Variants in KCNB2 observed in about 807,000 individuals in gnomAD.
The protein encoded by KCNB2 is delayed rectifier potassium channel protein.
A neutral mutation model predicts 61.5 loss-of-function variants in KCNB2; 15 were observed. The observed-to-expected ratio is 0.24, with a 90% confidence interval of 0.16 to 0.38. The LOEUF (loss-of-function observed/expected upper bound fraction) is 0.38, where lower values mean the gene tolerates loss of function less well. Ranked by LOEUF, KCNB2 falls within the 10% of genes least tolerant of loss-of-function variation. The pLI is 1.00. For synonymous variants in KCNB2, 457 were observed against 446.0 expected, an observed-to-expected ratio of 1.02 and a Z score of -0.31; for missense variants, 828 against 1,125.2, an observed-to-expected ratio of 0.74 and a Z score of 3.78.
rs942141307 is a variant in KCNB2 at position 72,928,697 on chromosome 8, C to G, written c.580-7238C>G. Among the ~76,000 whole-genome samples the G allele has an allele frequency of 2.0e-5, 3 of 151,400 alleles. No individual in the cohort carries two copies. In the East Asian group the frequency reaches 5.8e-4, roughly 29 times the overall value. On this transcript the variant is annotated intron_variant, in intron 2 of 2. Coordinates refer to ENST00000523207, the MANE Select transcript of KCNB2 (RefSeq NM_004770.3). ...ACACACACAGACACACACACACACA[C>G]ACACACACACACACACAGTTTTATA... is the stretch of plus-strand genomic sequence containing the variant.
intron 2 of KCNB2, among the ~76,000 whole-genome samples, chr8:72,837,034 T>A (rs188405662): frequency 1.2e-3 from 180 of 152,344 alleles, no homozygotes; most frequent in African/African-American, 3.7e-3. Flanking sequence ...GTCTGAACAT[T>A]TCTCCAGATG....
intron 2 of KCNB2, among the ~76,000 whole-genome samples, chr8:72,826,931 G>A (rs1369967298): frequency 6.6e-6 from 1 of 152,100 alleles, no homozygotes; most frequent in African/African-American, 2.4e-5. Flanking sequence ...TATTGCTTTT[G>A]CTTCTAAGTT....
intron 2 of KCNB2, among the ~76,000 whole-genome samples, chr8:72,840,616 G>A (rs1384394425): frequency 6.6e-6 from 1 of 152,120 alleles, no homozygotes; most frequent in Non-Finnish European, 1.5e-5. Flanking sequence ...GGTGTGAGAT[G>A]GTATCTCATT....
At chr8:72,710,099 G>A (rs1041136835) in intron 2 of KCNB2, among the ~76,000 whole-genome samples, 6 of 152,062 alleles carry the variant, frequency 3.9e-5, no homozygotes, top group African/African-American at 9.7e-5. Flanking sequence ...TCAAGACATC[G>A]TTATCCTGCG....
chr8:72,833,524 A>G (rs1260120747), intron 2 of KCNB2, among the ~76,000 whole-genome samples: 1 of 152,204 alleles, frequency 6.6e-6, no homozygotes, highest in Non-Finnish European at 1.5e-5. Context: ...TCTCTGCTCT[A>G]TGAAAATTGA....
intron 2 of KCNB2, among the ~76,000 whole-genome samples, chr8:72,704,705 A>T (rs963215468): frequency 6.6e-6 from 1 of 152,146 alleles, no homozygotes; most frequent in African/African-American, 2.4e-5. Flanking sequence ...CTCTTTAAAG[A>T]TGAGGAATTT....
At chr8:72,608,515 A>G (rs1270270791) in intron 2 of KCNB2, among the ~76,000 whole-genome samples, 1 of 152,092 alleles carries the variant, frequency 6.6e-6, no homozygotes, top group Non-Finnish European at 1.5e-5. Context: ...GATGCCTTGG[A>G]TGAGGGCTGT....
At chr8:72,593,422 T>C (rs1409670651) in intron 2 of KCNB2, among the ~76,000 whole-genome samples, 1 of 152,224 alleles carries the variant, frequency 6.6e-6, no homozygotes, top group African/African-American at 2.4e-5. Context: ...GGCTCTGTGG[T>C]CTTTAGCAAC....
chr8:72,570,129 T>A (rs909538315), intron 2 of KCNB2, among the ~76,000 whole-genome samples: 1 of 150,000 alleles, frequency 6.7e-6, no homozygotes, highest in Non-Finnish European at 1.5e-5. Flanking sequence ...AGAGGGTAAC[T>A]ATGACCATGG....
chr8:72,761,433 G>GA (rs1808377611), intron 2 of KCNB2, among the ~76,000 whole-genome samples: 2 of 152,150 alleles, frequency 1.3e-5, no homozygotes, highest in African/African-American at 4.8e-5. Flanking sequence ...GAGATTTGGG[G>GA]AAAAAACCCA....
chr8:72,762,256 G>A (rs80241567), intron 2 of KCNB2, among the ~76,000 whole-genome samples: 1 of 152,302 alleles, frequency 6.6e-6, no homozygotes, highest in East Asian at 1.9e-4. Flanking sequence ...GTGGATTTGA[G>A]GCTATAGCTT....
At chr8:72,602,363 A>T (rs1276001241) in intron 2 of KCNB2, among the ~76,000 whole-genome samples, 3 of 152,116 alleles carry the variant, frequency 2.0e-5, no homozygotes, top group Non-Finnish European at 4.4e-5. Context: ...TTTGCTGCAG[A>T]TGCTACTGAA....
chr8:72,655,931 G>T (rs999716995), intron 2 of KCNB2, among the ~76,000 whole-genome samples: 1 of 152,084 alleles, frequency 6.6e-6, no homozygotes. Flanking sequence ...TGTCCTCAGG[G>T]AGTACATAGT....
intron 2 of KCNB2, among the ~76,000 whole-genome samples, chr8:72,727,656 T>G (rs1221877806): frequency 6.6e-6 from 1 of 152,148 alleles, no homozygotes; most frequent in Non-Finnish European, 1.5e-5. Context: ...ACAAAGTATG[T>G]GAAGGAACCA....
chr8:72,857,914 C>T (rs920860694), intron 2 of KCNB2, among the ~76,000 whole-genome samples: 1 of 152,036 alleles, frequency 6.6e-6, no homozygotes, highest in African/African-American at 2.4e-5. Flanking sequence ...AGTGGGTGCA[C>T]AGGAATATAA....
intron 2 of KCNB2, among the ~76,000 whole-genome samples, chr8:72,578,110 T>G (rs1307288700): frequency 1.3e-5 from 2 of 152,162 alleles, no homozygotes; most frequent in African/African-American, 4.8e-5. Flanking sequence ...AATTAAAAAA[T>G]AAATCAATGA....
rs545171846 is a variant in KCNB2, at chr8:72,563,822, G to A, written c.-93-3820G>A. Among the ~76,000 whole-genome samples the A allele has an allele frequency of 3.7e-4, 56 of 152,284 alleles. 1 individual carries two copies. The South Asian group carries it at 7.3e-3, about 20-fold the overall frequency. On this transcript the variant is annotated intron_variant, in intron 1 of 2. Transcript: ENST00000523207. ...GAACACTATTCACAGCTCTTCAACT[G>A]CTCAGGAACTTATGCCTTTGAGCCT...
rs1223668050 is a variant in KCNB2, at chr8:72,937,471, G to C, written c.2116G>C (p.Gly706Arg). ...CGACAGTCCTAAGAGCTCTCTAAAA[G>C]GCAGCAACCCACTAAAGTCCAGATC... ...ATDSPKSSLK[G>R]SNPLKSRSLK... Residue 706 changes from glycine to arginine, a missense_variant, in exon 3 of 3, where the codon GGC becomes CGC. Coordinates refer to ENST00000523207, the MANE Select transcript of KCNB2 (RefSeq NM_004770.3). The C allele has an allele frequency of 1.2e-6, 2 of 1,613,836 alleles. No individual in the cohort carries two copies. Among genetic ancestry groups the C allele is most frequent in the East Asian group, 2.2e-5 (1 of 44,822 alleles).
chr8:72,922,083 G>T (rs1237946334), intron 2 of KCNB2, among the ~76,000 whole-genome samples: 1 of 152,178 alleles, frequency 6.6e-6, no homozygotes, highest in African/African-American at 2.4e-5. Flanking sequence ...ACAGGGCTGT[G>T]CTTCTTCTGA....
Sources: allele counts gnomAD v4.1 joint callset (sites outside exome capture counted in the v4.1 genomes callset), GRCh38; gene constraint gnomAD v4.1.1; transcripts MANE v1.5; gene names NCBI Gene and HGNC (gene_info 2026-07-23, HGNC 2026-07-21).